LUZP2: variants seen among roughly 807,000 people sequenced by gnomAD.
LUZP2 encodes the protein leucine zipper protein 2.
A neutral mutation model predicts 51.6 loss-of-function variants in LUZP2; 52 were observed. The ratio of observed to expected loss-of-function variants is 1.01; its 90% CI spans 0.81 to 1.27. The LOEUF (loss-of-function observed/expected upper bound fraction) is 1.27. LUZP2 is among the 50% of genes most tolerant of loss of function. The probability of loss-of-function intolerance (pLI) is 0.00; values close to 1 mark genes in which losing one functional copy is unlikely to be tolerated. For synonymous variants in LUZP2, 154 were observed against 137.3 expected, an observed-to-expected ratio of 1.12 and a Z score of -0.85; for missense variants, 436 against 395.4, an observed-to-expected ratio of 1.10 and a Z score of -0.87.
chr11:25,070,539 G>T (rs1308724765), intron 10 of LUZP2, among the ~76,000 whole-genome samples: 2 of 106,302 alleles, frequency 1.9e-5, no homozygotes, highest in African/African-American at 7.7e-5. Flanking sequence ...TCAAGAGGAG[G>T]TTGTTATATA....
chr11:24,944,321 G>C (rs893644235), intron 7 of LUZP2, among the ~76,000 whole-genome samples: 1 of 152,134 alleles, frequency 6.6e-6, no homozygotes, highest in Non-Finnish European at 1.5e-5. Context: ...GGTAACCATG[G>C]CTCTGAGAGG....
At chr11:24,759,396 A>G (rs1224601577) in intron 4 of LUZP2, among the ~76,000 whole-genome samples, 1 of 152,168 alleles carries the variant, frequency 6.6e-6, no homozygotes, top group Non-Finnish European at 1.5e-5. Flanking sequence ...TTCTAAATCC[A>G]TGGCCTAAAA....
At chr11:25,043,643 A>T (rs1858150676) in intron 9 of LUZP2, among the ~76,000 whole-genome samples, 1 of 149,032 alleles carries the variant, frequency 6.7e-6, no homozygotes, top group African/African-American at 2.4e-5. Context: ...TGTACTAGAG[A>T]CTCATTTTCC....
At chr11:24,608,854 G>C (rs1012546414) in intron 1 of LUZP2, among the ~76,000 whole-genome samples, 1 of 151,994 alleles carries the variant, frequency 6.6e-6, no homozygotes, top group East Asian at 1.9e-4. Flanking sequence ...GAGGGCAAGT[G>C]GTCAAACTTC....
At chr11:24,537,257 T>G (rs1338945494) in intron 1 of LUZP2, among the ~76,000 whole-genome samples, 2 of 151,944 alleles carry the variant, frequency 1.3e-5, no homozygotes, top group Non-Finnish European at 2.9e-5. Flanking sequence ...TGATGCATAG[T>G]TGCTACAAAC....
At chr11:24,533,048 A>G (rs1038645897) in intron 1 of LUZP2, among the ~76,000 whole-genome samples, 2 of 151,260 alleles carry the variant, frequency 1.3e-5, no homozygotes, top group Non-Finnish European at 3.0e-5. Context: ...ACCAGACAGA[A>G]AAGACAGTGC....
intron 9 of LUZP2, among the ~76,000 whole-genome samples, chr11:24,990,318 C>T (rs1045425857): frequency 1.3e-5 from 2 of 151,862 alleles, no homozygotes; most frequent in Non-Finnish European, 2.9e-5. Context: ...TATACATATA[C>T]CTTTATAATT....
At chr11:25,028,498 T>C (rs1328297082) in intron 9 of LUZP2, among the ~76,000 whole-genome samples, 2 of 152,118 alleles carry the variant, frequency 1.3e-5, no homozygotes, top group African/African-American at 4.8e-5. Context: ...TGTAACAGCA[T>C]AGAACTGAAG....
intron 1 of LUZP2, among the ~76,000 whole-genome samples, chr11:24,563,297 C>A (rs574662333): frequency 6.6e-6 from 1 of 152,084 alleles, no homozygotes; most frequent in African/African-American, 2.4e-5. Flanking sequence ...CAGTTTCTTT[C>A]CATGAAAAAG....
intron 9 of LUZP2, among the ~76,000 whole-genome samples, chr11:25,025,405 G>A (rs1180588464): frequency 1.3e-5 from 2 of 152,062 alleles, no homozygotes; most frequent in East Asian, 3.9e-4. Flanking sequence ...ATCTGACAAA[G>A]GGCTAATATC....
At chr11:24,713,693 T>TTG (rs1857929854) in intron 1 of LUZP2, among the ~76,000 whole-genome samples, 1 of 143,486 alleles carries the variant, frequency 7.0e-6, no homozygotes, top group African/African-American at 2.6e-5. Context: ...GTTTTTTTTT[T>TTG]TTTTTTTTTT....
intron 6 of LUZP2, among the ~76,000 whole-genome samples, chr11:24,909,512 A>G (rs971993497): frequency 4.6e-5 from 7 of 151,866 alleles, no homozygotes; most frequent in African/African-American, 1.4e-4. Context: ...AAAAAAAAAA[A>G]CAAAAGAAGA....
At chr11:24,635,531 T>A (rs1855066748) in intron 1 of LUZP2, among the ~76,000 whole-genome samples, 1 of 152,140 alleles carries the variant, frequency 6.6e-6, no homozygotes, top group African/African-American at 2.4e-5. Context: ...TCATTTTCAG[T>A]ACATTTCTAT....
In LUZP2 at chr11:25,027,743, G is replaced by T. The variant is rs190766856; in HGVS notation, c.766-22295G>T. Among the ~76,000 whole-genome samples, 5 of 152,010 alleles carry T rather than the reference G, an allele frequency of 3.3e-5. No individual in the cohort carries two copies. The East Asian group carries it at 9.7e-4, about 29-fold the overall frequency. On this transcript the variant is annotated intron_variant, in intron 9 of 11. Coordinates refer to ENST00000336930, the MANE Select transcript of LUZP2 (RefSeq NM_001009909.4). ...AAATTAGCCGGGCGTGGTGGTGGGT[G>T]CCTGTTAATCCCAGCAACTCGGGAG... is the stretch of plus-strand genomic sequence containing the variant.
At chr11:24,871,096 A>G (rs76107359) in intron 5 of LUZP2, among the ~76,000 whole-genome samples, 1,639 of 152,188 alleles carry the variant, frequency 0.011, 18 homozygotes, top group Middle Eastern at 0.048. Context: ...AAATATTCAA[A>G]TATTTCAAAT....
At chr11:24,879,634 C>T (rs1048397234) in intron 5 of LUZP2, among the ~76,000 whole-genome samples, 1 of 152,148 alleles carries the variant, frequency 6.6e-6, no homozygotes, top group Non-Finnish European at 1.5e-5. Flanking sequence ...GATGGTATCT[C>T]TTTCTGGTTT....
intron 1 of LUZP2, among the ~76,000 whole-genome samples, chr11:24,542,748 A>G (rs1317215291): frequency 6.6e-6 from 1 of 151,946 alleles, no homozygotes; most frequent in Non-Finnish European, 1.5e-5. Flanking sequence ...AAAAAAATAG[A>G]TGTTCTTTTA....
chr11:24,743,201 AT>A (rs1859249529), intron 4 of LUZP2, among the ~76,000 whole-genome samples: 1 of 151,932 alleles, frequency 6.6e-6, no homozygotes, highest in African/African-American at 2.4e-5. Flanking sequence ...AAATTTTAGA[AT>A]TGTTTTTTTC....
chr11:25,018,043 T>TG (rs1554955724), intron 9 of LUZP2, among the ~76,000 whole-genome samples: 727 of 30,742 alleles, frequency 0.024, 17 homozygotes, highest in East Asian at 0.1. Context: ...TTCTGTTTTT[T>TG]TTTTGTTTTT....
Sources: allele counts gnomAD v4.1 joint callset (sites outside exome capture counted in the v4.1 genomes callset), GRCh38; gene constraint gnomAD v4.1.1; transcripts MANE v1.5; gene names NCBI Gene and HGNC (gene_info 2026-07-23, HGNC 2026-07-21).